The following HEATR4 variants were observed in gnomAD, a reference collection of about 807,000 sequenced individuals.
The protein encoded by HEATR4 is HEAT repeat-containing protein 4.
HEATR4 carries 95 observed loss-of-function variants against 108.8 expected under a neutral mutation model. That is an observed-to-expected ratio of 0.87 (90% confidence interval 0.74 to 1.04). HEATR4 has a LOEUF of 1.04. Among genes scored for constraint, HEATR4 ranks in the 50% least tolerant of loss-of-function variants. The probability of loss-of-function intolerance (pLI) is 0.00; values close to 1 mark genes in which losing one functional copy is unlikely to be tolerated. For missense variants in HEATR4, 1,152 were observed against 1,253.8 expected (o/e 0.92, Z 1.23); for synonymous variants, 443 against 459.4 (o/e 0.96, Z 0.46).
rs34910198 is a variant in HEATR4, at chr14:73,487,184, C to CAAA, written c.2844+5879_2844+5881dup. On this transcript the variant is annotated intron_variant, in intron 17 of 17. Transcript: ENST00000553558. ...AAAAGGGAATTCTATTGATTCAAAA[C>CAAA]AAAAAAAAAAAGAAGAGAAAGGTAA... Among the ~76,000 whole-genome samples the CAAA allele has an allele frequency of 4.9e-3, 667 of 135,390 alleles. 34 individuals are homozygous for CAAA. The highest frequency in any genetic ancestry group is 0.018 in the East Asian group (72 of 3,904). 88.8% of individuals were successfully genotyped at this position (135,390 alleles called of 152,430 possible). A position where few individuals can be genotyped will look rare whatever the true frequency, so the allele number is the denominator to read the frequency against.
At chr14:73,512,958 C>T (rs1887355938) in intron 6 of HEATR4, among the ~76,000 whole-genome samples, 1 of 152,186 alleles carries the variant, frequency 6.6e-6, no homozygotes, top group South Asian at 2.1e-4. Context: ...ACAGTCCTTG[C>T]CAGGCCATTA....
the HEATR4 span, chr14:73,592,382 G>C: frequency 1.3e-4 from 206 of 1,558,370 alleles, no homozygotes; most frequent in Non-Finnish European, 1.7e-4. Flanking sequence ...CGGTGCGAGC[G>C]GGCCGGGTGC....
intron 17 of HEATR4, chr14:73,491,214 C>T: frequency 1.3e-6 from 2 of 1,591,420 alleles, no homozygotes; most frequent in South Asian, 1.1e-5. Flanking sequence ...TCGGAGGAAT[C>T]GAGGGTGGAG....
upstream of HEATR4, among the ~76,000 whole-genome samples, chr14:73,561,258 C>T (rs1439357901): frequency 2.6e-5 from 4 of 151,696 alleles, no homozygotes; most frequent in African/African-American, 9.7e-5. Context: ...CCCAGCTACT[C>T]AGGAGACCGA....
the HEATR4 span, among the ~76,000 whole-genome samples, chr14:73,622,267 G>C: frequency 1.3e-5 from 2 of 152,210 alleles, no homozygotes; most frequent in South Asian, 4.2e-4. Flanking sequence ...ACATCTATAT[G>C]TATTGAAGAA....
At chr14:73,590,254 G>A in the HEATR4 span, among the ~76,000 whole-genome samples, 1 of 152,114 alleles carries the variant, frequency 6.6e-6, no homozygotes, top group East Asian at 1.9e-4. Flanking sequence ...AGACACAAAA[G>A]TTCTCCACCT....
chr14:73,536,012 T>C (rs1204347161), intron 1 of HEATR4, among the ~76,000 whole-genome samples: 1 of 116,152 alleles, frequency 8.6e-6, no homozygotes, highest in Non-Finnish European at 1.9e-5. Context: ...TTACCTTCTT[T>C]AGTTCCTGAG....
chr14:73,577,408 G>T, the HEATR4 span, among the ~76,000 whole-genome samples: 1 of 136,642 alleles, frequency 7.3e-6, no homozygotes, highest in Non-Finnish European at 1.6e-5. Context: ...TGGGCATGGA[G>T]CCCCATTTAG....
chr14:73,603,706 A>G, the HEATR4 span, among the ~76,000 whole-genome samples: 15 of 151,040 alleles, frequency 9.9e-5, no homozygotes, highest in Admixed American at 2.6e-4. Context: ...TTCTTTCAAA[A>G]CATTTGATCG....
At chr14:73,587,132 TAA>T in the HEATR4 span, among the ~76,000 whole-genome samples, 1 of 84,418 alleles carries the variant, frequency 1.2e-5, no homozygotes, top group South Asian at 4.0e-4. Context: ...CTGCCTGGTG[TAA>T]AAAAAAACAA....
At chr14:73,559,397 A>G (rs978389397), upstream of HEATR4, among the ~76,000 whole-genome samples, 5 of 151,828 alleles carry the variant, frequency 3.3e-5, no homozygotes, top group African/African-American at 9.7e-5. Context: ...GGGATTTGCA[A>G]CTGTGAGCCA....
the HEATR4 span, among the ~76,000 whole-genome samples, chr14:73,587,154 A>C: frequency 1.6e-4 from 25 of 152,104 alleles, no homozygotes; most frequent in Non-Finnish European, 3.4e-4. Flanking sequence ...AAAACAAAAA[A>C]AAGATGATTT....
intron 17 of HEATR4, among the ~76,000 whole-genome samples, chr14:73,487,319 C>G: frequency 6.6e-6 from 1 of 151,990 alleles, no homozygotes; most frequent in South Asian, 2.1e-4. Flanking sequence ...GTAATCCCAG[C>G]ACTTTGGGAG....
At chr14:73,481,292 A>C (rs1885245572) in intron 17 of HEATR4, among the ~76,000 whole-genome samples, 1 of 151,914 alleles carries the variant, frequency 6.6e-6, no homozygotes, top group Non-Finnish European at 1.5e-5. Flanking sequence ...TACAAAAATT[A>C]GCGGGGGGTG....
At position 73,520,878 on chromosome 14, in the gene HEATR4, T is replaced by G. The variant is rs1263863238; in HGVS notation, c.1043A>C (p.Asn348Thr). Residue 348 changes from asparagine to threonine, a missense_variant, in exon 4 of 18, where the codon AAC (asparagine) becomes ACC (threonine). Transcript: ENST00000553558. ...AAAGTAAATCTCCTGTTCAAAGGTG[T>G]TGTCTGTGGAGTAGGCAAACTTTCC... ...RAGKFAYSTD[N>T]TFEQEIYFDE... 6 of 1,613,968 alleles carry G rather than the reference T, an allele frequency of 3.7e-6. No individual in the cohort carries two copies. Among genetic ancestry groups the G allele is most frequent in the Non-Finnish European group, 3.4e-6 (4 of 1,180,004 alleles).
intron 14 of HEATR4, among the ~76,000 whole-genome samples, chr14:73,497,901 C>T (rs142885925): frequency 2.0e-5 from 3 of 152,324 alleles, no homozygotes; most frequent in African/African-American, 2.4e-5. Context: ...GCTGGGATTA[C>T]AGGCGTGAGT....
At chr14:73,497,617 A>G (rs1237853401) in intron 14 of HEATR4, among the ~76,000 whole-genome samples, 2 of 152,122 alleles carry the variant, frequency 1.3e-5, no homozygotes. Context: ...ATATATGAAT[A>G]ACTTAAAACC....
At chr14:73,595,337 C>T in the HEATR4 span, 2 of 1,614,210 alleles carry the variant, frequency 1.2e-6, no homozygotes, top group South Asian at 1.1e-5. Context: ...GGCCCAGGGG[C>T]CCATCCTGCT....
At chr14:73,589,692 C>T in the HEATR4 span, among the ~76,000 whole-genome samples, 1 of 152,128 alleles carries the variant, frequency 6.6e-6, no homozygotes, top group African/African-American at 2.4e-5. Context: ...GTAGCTCCCA[C>T]CTATAATCCT....
Sources: allele counts gnomAD v4.1 joint callset (sites outside exome capture counted in the v4.1 genomes callset), GRCh38; gene constraint gnomAD v4.1.1; transcripts MANE v1.5; gene names NCBI Gene and HGNC (gene_info 2026-07-23, HGNC 2026-07-21).